The following UBQLN1 variants were observed in gnomAD, a reference collection of about 807,000 sequenced individuals.
UBQLN1 encodes ubiquilin-1.
Under a neutral mutation model 65.4 loss-of-function variants are expected in UBQLN1, and 13 were observed. The observed-to-expected ratio is 0.20, with a 90% confidence interval of 0.13 to 0.32. The LOEUF is 0.32. Ranked by LOEUF, UBQLN1 falls within the 10% of genes least tolerant of loss-of-function variation. UBQLN1 has a pLI of 1.00. For missense variants in UBQLN1, 561 were observed against 724.0 expected, an observed-to-expected ratio of 0.77 and a Z score of 2.58; for synonymous variants, 267 against 247.8, an observed-to-expected ratio of 1.08 and a Z score of -0.73.
Position 83,707,724 on chromosome 9 carries a change from A to C in UBQLN1, c.-45T>G, listed in dbSNP as rs1407171071. 3 of 1,510,580 alleles carry C rather than the reference A, an allele frequency of 2.0e-6. No individual in the cohort carries two copies. The highest frequency in any genetic ancestry group is 2.6e-6 in the Non-Finnish European group (3 of 1,138,286). The allele number at this position is 1,510,580 out of a possible 1,614,324, so 93.6% of individuals were successfully genotyped here. A position where few individuals can be genotyped will look rare whatever the true frequency, so the allele number is the denominator to read the frequency against. ...GCGGTGACTCAGGCAAGCAGGAGGG[A>C]GCAGGCGAGCAAGGAGGAGCCAGCA... On this transcript the variant is annotated 5_prime_UTR_variant, in exon 1 of 11. Transcript: ENST00000376395.
In UBQLN1 at chr9:83,707,719, G is replaced by A; in HGVS notation, c.-40C>T. 1 of 1,517,188 alleles carries A rather than the reference G, an allele frequency of 6.6e-7. No homozygotes were observed. The highest frequency in any genetic ancestry group is 8.8e-7 in the Non-Finnish European group (1 of 1,140,486). 94.0% of individuals were successfully genotyped at this position (1,517,188 alleles called of 1,614,324 possible). On this transcript the variant is annotated 5_prime_UTR_variant, in exon 1 of 11. Transcript: ENST00000376395. Reference sequence around the variant, plus strand: ...CGGCGGCGGTGACTCAGGCAAGCAGGAGGGAGCAGGCGAGCAAGGAGGAGC... The same window carrying A: ...CGGCGGCGGTGACTCAGGCAAGCAGAAGGGAGCAGGCGAGCAAGGAGGAGC...
At chr9:83,685,954 T>A (rs1435050388) in intron 2 of UBQLN1, 50 bp downstream of exon 2, 1 of 1,508,596 alleles carries the variant, frequency 6.6e-7, no homozygotes, top group African/African-American at 1.4e-5. Context: ...CTTTTAGAAG[T>A]ACGAACATTT....
Position 83,661,566 on chromosome 9 carries a change from C to A in UBQLN1, c.*221G>T. ...TGTTTTTAAAAAATTACAATAAATG[C>A]AGAAGTGATGCATGCAGTAGCCTTA... On this transcript the variant is annotated 3_prime_UTR_variant, in exon 11 of 11. Transcript: ENST00000376395. 2 of 409,866 alleles carry A rather than the reference C, an allele frequency of 4.9e-6. No homozygotes were observed. Among genetic ancestry groups the A allele is most frequent in the Non-Finnish European group, 8.5e-6 (2 of 236,328 alleles). 25.4% of individuals were successfully genotyped at this position (409,866 alleles called of 1,614,324 possible).
Position 83,664,285 on chromosome 9 carries a change from G to A in UBQLN1, c.1449-242C>T, listed in dbSNP as rs531900636. On this transcript the variant is annotated intron_variant, in intron 9 of 10. Transcript: ENST00000376395. ...AAAAACAAAATTAGCTGGGTGTGCTGGTGCACACCTGTAGTATCAGTTACT... is the reference window on the plus strand; with the variant it reads ...AAAAACAAAATTAGCTGGGTGTGCTAGTGCACACCTGTAGTATCAGTTACT... Among the ~76,000 whole-genome samples, 6 of 152,098 alleles carry A rather than the reference G, an allele frequency of 3.9e-5. No individual in the cohort carries two copies. The South Asian group carries it at 1.0e-3, about 26-fold the overall frequency.
At chr9:83,692,271 C>T (rs1326189773) in intron 1 of UBQLN1, among the ~76,000 whole-genome samples, 3 of 152,182 alleles carry the variant, frequency 2.0e-5, no homozygotes, top group Non-Finnish European at 2.9e-5. Flanking sequence ...AAATTCTGCA[C>T]GTACTTCAAA....
At chr9:83,697,551 CAAAAA>C (rs750268209) in intron 1 of UBQLN1, among the ~76,000 whole-genome samples, 2 of 34,476 alleles carry the variant, frequency 5.8e-5, no homozygotes, top group Non-Finnish European at 1.0e-4. Context: ...GACACTGTCT[CAAAAA>C]AAAAAAAAAA....
At chr9:83,679,323 C>T (rs535356844) in intron 4 of UBQLN1, among the ~76,000 whole-genome samples, 17 of 152,314 alleles carry the variant, frequency 1.1e-4, no homozygotes, top group African/African-American at 3.8e-4. Context: ...CTCATGAGAA[C>T]ACTCTATTTT....
intron 6 of UBQLN1, among the ~76,000 whole-genome samples, chr9:83,673,202 C>G (rs905436960): frequency 1.3e-5 from 2 of 152,134 alleles, no homozygotes; most frequent in African/African-American, 2.4e-5. Flanking sequence ...TGCACTCCAG[C>G]CTGGGCGACG....
chr9:83,669,067 T>C lies in UBQLN1; in HGVS notation c.1248+118A>G, dbSNP rs147830057. ...TAAAAAATTGGAGACACAGTTTACT[T>C]ATTTTTCTAGTGTATTAAGATATCA... is the stretch of plus-strand genomic sequence containing the variant. On this transcript the variant is annotated intron_variant, in intron 7 of 10. Coordinates refer to ENST00000376395, the MANE Select transcript of UBQLN1 (RefSeq NM_013438.5). The C allele has an allele frequency of 3.0e-4, 361 of 1,191,920 alleles. 3 individuals carry two copies. Among genetic ancestry groups the C allele is most frequent in the Admixed American group, 9.9e-4 (28 of 28,202 alleles). The allele number at this position is 1,191,920 out of a possible 1,614,324, so 73.8% of individuals were successfully genotyped here. A position where few individuals can be genotyped will look rare whatever the true frequency, so the allele number is the denominator to read the frequency against.
chr9:83,689,888 A>C (rs980370873), intron 1 of UBQLN1, among the ~76,000 whole-genome samples: 1 of 152,258 alleles, frequency 6.6e-6, no homozygotes, highest in African/African-American at 2.4e-5. Flanking sequence ...CACAAAAATG[A>C]AATCCTTTTC....
chr9:83,678,176 C>T (rs1024394740), intron 5 of UBQLN1, among the ~76,000 whole-genome samples: 1 of 151,968 alleles, frequency 6.6e-6, no homozygotes, highest in Admixed American at 6.5e-5. Flanking sequence ...CGCCCACCAC[C>T]ACGCCCAGCT....
chr9:83,697,753 T>TTTTTTA (rs1832243543), intron 1 of UBQLN1, among the ~76,000 whole-genome samples: 1 of 102,722 alleles, frequency 9.7e-6, no homozygotes, highest in African/African-American at 3.6e-5. Flanking sequence ...TTTTTTTTTT[T>TTTTTTA]GAGACGAAGT....
chr9:83,675,266 C>T (rs1374461489), intron 6 of UBQLN1, among the ~76,000 whole-genome samples: 1 of 152,168 alleles, frequency 6.6e-6, no homozygotes, highest in Non-Finnish European at 1.5e-5. Context: ...AACCACTACC[C>T]TGCCAACCCT....
intron 1 of UBQLN1, among the ~76,000 whole-genome samples, chr9:83,688,643 G>A (rs1444595230): frequency 6.6e-6 from 1 of 151,680 alleles, no homozygotes; most frequent in Non-Finnish European, 1.5e-5. Context: ...GCGGGCAGAT[G>A]ACAGGTCAGG....
intron 4 of UBQLN1, among the ~76,000 whole-genome samples, chr9:83,679,000 C>T (rs940071243): frequency 3.3e-5 from 5 of 152,158 alleles, no homozygotes; most frequent in Admixed American, 6.5e-5. Flanking sequence ...GGATTACAAG[C>T]GTGAGCCACC....
At chr9:83,683,751 G>A (rs569811202) in intron 2 of UBQLN1, among the ~76,000 whole-genome samples, 7 of 151,648 alleles carry the variant, frequency 4.6e-5, no homozygotes, top group East Asian at 3.9e-4. Flanking sequence ...GGCCAGGTGC[G>A]GTGGCTCACG....
At chr9:83,674,375 T>A (rs932209380) in intron 6 of UBQLN1, among the ~76,000 whole-genome samples, 1 of 152,096 alleles carries the variant, frequency 6.6e-6, no homozygotes, top group Non-Finnish European at 1.5e-5. Flanking sequence ...GACCAACCAC[T>A]CATCACAATA....
intron 9 of UBQLN1, 105 bp from the exon 10 acceptor site, chr9:83,664,148 A>T (rs1831606578): frequency 1.5e-6 from 2 of 1,323,542 alleles, no homozygotes; most frequent in Non-Finnish European, 2.1e-6. Flanking sequence ...TCTTAAAATA[A>T]GCCCTTTTGG....
At position 83,706,668 on chromosome 9, in the gene UBQLN1, CTTAA is replaced by C. The variant is rs1004726321; in HGVS notation, c.180+828_180+831del. Among the ~76,000 whole-genome samples the C allele has an allele frequency of 3.9e-5, 6 of 152,322 alleles. No individual in the cohort carries two copies. The East Asian group carries it at 9.6e-4, about 24-fold the overall frequency. ...TTATTTGTTAAATTCCACCAAGAATCTTAATTAACTGCAAGATTTGTATTCCTGA... is the reference window on the plus strand; with the variant it reads ...TTATTTGTTAAATTCCACCAAGAATCTTAACTGCAAGATTTGTATTCCTGA... On this transcript the variant is annotated intron_variant, in intron 1 of 10. Transcript: ENST00000376395.
Sources: allele counts gnomAD v4.1 joint callset (sites outside exome capture counted in the v4.1 genomes callset), GRCh38; gene constraint gnomAD v4.1.1; transcripts MANE v1.5; gene names NCBI Gene and HGNC (gene_info 2026-07-23, HGNC 2026-07-21).